Variants in CAB39 observed in about 807,000 individuals in gnomAD.
The protein encoded by CAB39 is calcium-binding protein 39.
CAB39 carries 8 observed loss-of-function variants against 40.0 expected under a neutral mutation model. The ratio of observed to expected loss-of-function variants is 0.20; its 90% confidence interval spans 0.12 to 0.36. The LOEUF (loss-of-function observed/expected upper bound fraction) is 0.36. Among genes scored for constraint, CAB39 ranks in the 10% least tolerant of loss-of-function variants. CAB39 has a pLI of 1.00. For missense variants in CAB39, 270 were observed against 401.1 expected (o/e 0.67, Z 2.79); for synonymous variants, 156 against 141.6 (o/e 1.10, Z -0.72).
In CAB39 at chr2:230,814,033, TTC is replaced by T. The variant is rs775123388; in HGVS notation, c.628-12_628-11del. On this transcript the variant is annotated splice_polypyrimidine_tract_variant and intron_variant, in intron 6 of 8. Transcript: ENST00000258418. The stretch of plus-strand genomic sequence containing the variant: ...TTTTTGGCAATAACCCTGATTTATG[TTC>T]TCTTATCTTTTAGTTTTTCAGTGAA... The T allele has an allele frequency of 3.6e-6, 3 of 840,334 alleles. No individual in the cohort carries two copies. Among genetic ancestry groups the T allele is most frequent in the Non-Finnish European group, 5.7e-6 (3 of 527,690 alleles). 52.1% of individuals were successfully genotyped at this position (840,334 alleles called of 1,614,324 possible).
At chr2:230,727,669 C>T (rs115598978) in intron 1 of CAB39, among the ~76,000 whole-genome samples, 5,897 of 151,846 alleles carry the variant, frequency 0.039, 401 homozygotes, top group African/African-American at 0.13. Context: ...TTGCCTTGGC[C>T]TCCCTAAAGT....
chr2:230,808,803 G>A (rs547916725), intron 5 of CAB39, among the ~76,000 whole-genome samples: 27 of 152,316 alleles, frequency 1.8e-4, no homozygotes, highest in African/African-American at 6.5e-4. Flanking sequence ...CTTCTCAAAA[G>A]CATACTTTGA....
At chr2:230,758,286 C>T (rs1221610189) in intron 1 of CAB39, among the ~76,000 whole-genome samples, 1 of 126,638 alleles carries the variant, frequency 7.9e-6, no homozygotes, top group Non-Finnish European at 1.6e-5. Flanking sequence ...CTGGGTGACA[C>T]AGCGAGACTC....
chr2:230,776,772 G>A (rs149460199), intron 2 of CAB39, among the ~76,000 whole-genome samples: 3,008 of 151,602 alleles, frequency 0.02, 88 homozygotes, highest in African/African-American at 0.069. Context: ...CTCACTGCAA[G>A]CTCCACCTCC....
chr2:230,803,432 AG>A (rs1192393573), intron 5 of CAB39, among the ~76,000 whole-genome samples: 1 of 152,228 alleles, frequency 6.6e-6, no homozygotes, highest in Non-Finnish European at 1.5e-5. Flanking sequence ...AAGGAAATAA[AG>A]GGTATTCAAT....
chr2:230,780,012 T>C (rs1239157563), intron 2 of CAB39, among the ~76,000 whole-genome samples: 1 of 152,192 alleles, frequency 6.6e-6, no homozygotes, highest in African/African-American at 2.4e-5. Context: ...AGAAATGGAA[T>C]GGGTCTTAGG....
chr2:230,732,182 C>T (rs536604641), intron 1 of CAB39, among the ~76,000 whole-genome samples: 4 of 151,984 alleles, frequency 2.6e-5, no homozygotes, highest in African/African-American at 4.8e-5. Flanking sequence ...CCCGGGTCCA[C>T]GCCATTCTCC....
intron 5 of CAB39, 71 bp downstream of exon 5, chr2:230,798,968 C>A: frequency 1.7e-6 from 2 of 1,186,808 alleles, no homozygotes; most frequent in Non-Finnish European, 2.3e-6. Context: ...ACCTTCATTG[C>A]CCTCCTAAAT....
At chr2:230,771,881 A>G (rs560715291) in intron 2 of CAB39, among the ~76,000 whole-genome samples, 56 of 152,328 alleles carry the variant, frequency 3.7e-4, no homozygotes, top group Admixed American at 3.7e-3. Context: ...TGCTGAAACT[A>G]TTTAGTAGGC....
intron 5 of CAB39, among the ~76,000 whole-genome samples, chr2:230,805,324 A>T (rs1321434375): frequency 6.6e-6 from 1 of 152,098 alleles, no homozygotes; most frequent in Admixed American, 6.5e-5. Flanking sequence ...GGGTGCAGCA[A>T]ACCAACATGG....
chr2:230,753,181 C>T (rs1380360220), intron 1 of CAB39, among the ~76,000 whole-genome samples: 1 of 152,144 alleles, frequency 6.6e-6, no homozygotes, highest in Non-Finnish European at 1.5e-5. Context: ...TAGCGGAGAG[C>T]AGTGCATGAA....
chr2:230,713,665 G>T (rs1458096806), intron 1 of CAB39: 1 of 152,308 alleles, frequency 6.6e-6, no homozygotes, highest in African/African-American at 2.4e-5. Flanking sequence ...TACCAGCTTT[G>T]TGACCAATTC....
intron 1 of CAB39, among the ~76,000 whole-genome samples, chr2:230,734,990 G>C (rs1575908731): frequency 6.6e-6 from 1 of 152,256 alleles, no homozygotes; most frequent in African/African-American, 2.4e-5. Context: ...ACCAATACTT[G>C]TTGATTGGGT....
rs928517298 is a variant in CAB39, at chr2:230,776,836, G to A, written c.115-14036G>A. Among the ~76,000 whole-genome samples the A allele has an allele frequency of 2.0e-5, 3 of 152,038 alleles. No individual in the cohort carries two copies. The South Asian group carries it at 6.2e-4, about 32-fold the overall frequency. Reference sequence around the variant, plus strand: ...CTCCCCAGTAGCTGGGACTACAGGCGCCTGCCACGCCCGGCTAATTTTTTG... The same window carrying A: ...CTCCCCAGTAGCTGGGACTACAGGCACCTGCCACGCCCGGCTAATTTTTTG... On this transcript the variant is annotated intron_variant, in intron 2 of 8. Coordinates refer to ENST00000258418, the MANE Select transcript of CAB39 (RefSeq NM_016289.4).
Position 230,790,882 on chromosome 2 carries a change from A to T in CAB39, c.125A>T (p.Glu42Val). 6.2e-7 allele frequency: 1 copy of T among 1,602,388 alleles called. No homozygotes were observed. The highest frequency in any genetic ancestry group is 8.5e-7 in the Non-Finnish European group (1 of 1,176,838). ...SDKKAEKATEEVSKNLVAMKE... is the reference protein window; with the variant it reads ...SDKKAEKATEVVSKNLVAMKE... ...TCTCTCTAAAATTAGGCTACAGAAG[A>T]AGTTTCCAAAAATCTGGTTGCCATG... The change falls in exon 3 of 9, where the codon GAA becomes GTA. Residue 42 changes from glutamate to valine, a missense_variant. Transcript: ENST00000258418.
chr2:230,815,674 G>C (rs1696387426), intron 7 of CAB39, among the ~76,000 whole-genome samples: 1 of 152,130 alleles, frequency 6.6e-6, no homozygotes, highest in Non-Finnish European at 1.5e-5. Flanking sequence ...TGGATAAGGA[G>C]AAAGGCCTTC....
intron 1 of CAB39, 23 bp from the exon 2 acceptor site, chr2:230,759,936 A>G (rs1230395573): frequency 2.5e-6 from 2 of 805,968 alleles, no homozygotes; most frequent in African/African-American, 3.4e-5. Context: ...GTTTGCTCAC[A>G]TGAACCTTGT....
chr2:230,715,346 T>C (rs1187811145), intron 1 of CAB39, among the ~76,000 whole-genome samples: 1 of 152,254 alleles, frequency 6.6e-6, no homozygotes, highest in Non-Finnish European at 1.5e-5. Flanking sequence ...TCTTTCTCTG[T>C]AAGACTTGGA....
At chr2:230,716,313 A>C (rs1265296091) in intron 1 of CAB39, among the ~76,000 whole-genome samples, 1 of 152,134 alleles carries the variant, frequency 6.6e-6, no homozygotes, top group Non-Finnish European at 1.5e-5. Context: ...TATTTACTAA[A>C]GTTTTCTGTT....
Sources: gnomAD v4.1 joint callset for allele counts (sites outside exome capture counted in the v4.1 genomes callset) on GRCh38, gnomAD v4.1.1 for gene constraint, MANE v1.5 for transcripts, NCBI Gene and HGNC (gene_info 2026-07-23, HGNC 2026-07-21) for gene names.